The following EPSTI1 variants were observed in gnomAD, a reference collection of about 807,000 sequenced individuals.
The protein encoded by EPSTI1 is epithelial-stromal interaction protein 1.
Under a neutral mutation model 49.9 loss-of-function variants are expected in EPSTI1, and 66 were observed. That is an observed-to-expected ratio of 1.32 (90% CI 1.08 to 1.62). The LOEUF (loss-of-function observed/expected upper bound fraction) is 1.62, where lower values mean the gene tolerates loss of function less well. EPSTI1 is among the 40% of genes most tolerant of loss of function. EPSTI1 has a pLI of 0.00. For missense variants in EPSTI1, 394 were observed against 365.5 expected (o/e 1.08, Z -0.64); for synonymous variants, 137 against 130.7 (o/e 1.05, Z -0.33).
chr13:42,887,600 G>A lies in EPSTI1; in HGVS notation c.*894C>T, dbSNP rs1385264082. 2 of 152,234 alleles carry A rather than the reference G, an allele frequency of 1.3e-5. No individual in the cohort carries two copies. Among genetic ancestry groups the A allele is most frequent in the African/African-American group, 2.4e-5 (1 of 41,448 alleles). 9.4% of individuals were successfully genotyped at this position (152,234 alleles called of 1,614,324 possible). ...CAGAGGGATTGAGCTAGATTACACA[G>A]CGTAGAAAATCAATGCTCTTACACT... On this transcript the variant is annotated 3_prime_UTR_variant, in exon 11 of 11. Coordinates refer to ENST00000313624, the MANE Select transcript of EPSTI1 (RefSeq NM_033255.5).
chr13:42,923,239 T>C (rs2038070026), intron 7 of EPSTI1, among the ~76,000 whole-genome samples: 1 of 152,184 alleles, frequency 6.6e-6, no homozygotes, highest in Non-Finnish European at 1.5e-5. Context: ...GATAAGATTT[T>C]TTCACATCGT....
chr13:42,942,011 G>A (rs1457745418), intron 6 of EPSTI1, among the ~76,000 whole-genome samples: 1 of 152,066 alleles, frequency 6.6e-6, no homozygotes, highest in Non-Finnish European at 1.5e-5. Context: ...GAGACAAATA[G>A]TTTTTGTCAT....
chr13:42,932,849 G>A (rs977523356), intron 6 of EPSTI1, among the ~76,000 whole-genome samples: 4 of 152,112 alleles, frequency 2.6e-5, no homozygotes, highest in African/African-American at 7.2e-5. Flanking sequence ...CCTCTGATGC[G>A]ATGCACTGAG....
Position 42,967,309 on chromosome 13 carries a change from A to G in EPSTI1, c.331+1785T>C, listed in dbSNP as rs1330925797. Among the ~76,000 whole-genome samples the G allele has an allele frequency of 1.3e-5, 2 of 148,688 alleles. 1 individual carries two copies. Among genetic ancestry groups the G allele is most frequent in the Admixed American group, 1.3e-4 (2 of 15,046 alleles). Reference sequence around the variant, plus strand: ...TAAATTAAAAAAAAAAAAAAAAAAAAAAGAAAATCAGCTGGAGACCTCAAC... The same window carrying G: ...TAAATTAAAAAAAAAAAAAAAAAAAGAAGAAAATCAGCTGGAGACCTCAAC... On this transcript the variant is annotated intron_variant, in intron 3 of 10. Coordinates refer to ENST00000313624, the MANE Select transcript of EPSTI1 (RefSeq NM_033255.5).
chr13:42,939,229 T>C (rs1163236864), intron 6 of EPSTI1, among the ~76,000 whole-genome samples: 17 of 152,200 alleles, frequency 1.1e-4, no homozygotes, highest in Non-Finnish European at 2.5e-4. Context: ...TTGAACTTTC[T>C]TCATATTAGC....
At chr13:42,951,142 G>C (rs974261005) in intron 6 of EPSTI1, among the ~76,000 whole-genome samples, 1 of 151,544 alleles carries the variant, frequency 6.6e-6, no homozygotes, top group South Asian at 2.1e-4. Flanking sequence ...GAGCAACAGA[G>C]CAAGACTCCA....
At chr13:42,971,726 CAACAG>C (rs2039772899) in intron 1 of EPSTI1, among the ~76,000 whole-genome samples, 1 of 152,194 alleles carries the variant, frequency 6.6e-6, no homozygotes, top group African/African-American at 2.4e-5. Context: ...AAGCACTGAT[CAACAG>C]AAGCCATTTC....
chr13:42,917,196 CT>C (rs1045078765), intron 8 of EPSTI1, among the ~76,000 whole-genome samples: 2 of 152,166 alleles, frequency 1.3e-5, no homozygotes, highest in Non-Finnish European at 2.9e-5. Flanking sequence ...GATACCATCT[CT>C]AATTTCATAT....
intron 6 of EPSTI1, among the ~76,000 whole-genome samples, chr13:42,926,647 T>G (rs2038189290): frequency 6.6e-6 from 1 of 152,194 alleles, no homozygotes; most frequent in Non-Finnish European, 1.5e-5. Flanking sequence ...ATTATAAAAC[T>G]AGCTTTATGA....
At chr13:42,936,064 C>T (rs947422011) in intron 6 of EPSTI1, among the ~76,000 whole-genome samples, 8 of 152,146 alleles carry the variant, frequency 5.3e-5, no homozygotes, top group Non-Finnish European at 1.2e-4. Context: ...AAGACTGCTT[C>T]CTCAATTATA....
Position 42,937,024 on chromosome 13 carries a change from C to T in EPSTI1, c.564-10595G>A, listed in dbSNP as rs191005603. 4.5e-3 allele frequency among the ~76,000 whole-genome samples: 683 copies of T among 151,818 alleles called. 6 individuals carry two copies. The highest frequency in any genetic ancestry group is 0.015 in the African/African-American group (627 of 41,372). ...CATACAATATGTAGTTATAGTCATA[C>T]GTCAGAGATATTGTGAGTTTGGTTC... is the stretch of plus-strand genomic sequence containing the variant. On this transcript the variant is annotated intron_variant, in intron 6 of 10. Transcript: ENST00000313624.
chr13:42,886,439 C>T lies in EPSTI1; in HGVS notation c.*2055G>A, dbSNP rs759684220. 1 of 152,024 alleles carries T rather than the reference C, an allele frequency of 6.6e-6. No individual in the cohort carries two copies. The highest frequency in any genetic ancestry group is 1.5e-5 in the Non-Finnish European group (1 of 68,012). The allele number at this position is 152,024 out of a possible 1,614,324, so 9.4% of individuals were successfully genotyped here. On this transcript the variant is annotated 3_prime_UTR_variant, in exon 11 of 11. Transcript: ENST00000313624. The stretch of plus-strand genomic sequence containing the variant: ...AGTTTATTAAACATTTTATTACACA[C>T]CTGTATTGCCTAAAGTTTCTATAAC...
At chr13:42,987,703 T>C (rs552665771) in intron 1 of EPSTI1, among the ~76,000 whole-genome samples, 1 of 152,328 alleles carries the variant, frequency 6.6e-6, no homozygotes, top group Admixed American at 6.5e-5. Flanking sequence ...AAAGTATACA[T>C]ATTTGTTCAC....
intron 1 of EPSTI1, among the ~76,000 whole-genome samples, chr13:42,976,476 TA>T (rs1478919592): frequency 6.6e-6 from 1 of 152,204 alleles, no homozygotes; most frequent in Non-Finnish European, 1.5e-5. Flanking sequence ...AGAGAATATT[TA>T]GTATTAACAT....
Position 42,922,032 on chromosome 13 carries a change from A to G in EPSTI1, c.657+4304T>C, listed in dbSNP as rs1262671450. Among the ~76,000 whole-genome samples, 2 of 152,260 alleles carry G rather than the reference A, an allele frequency of 1.3e-5. No individual in the cohort carries two copies. Among genetic ancestry groups the G allele is most frequent in the Non-Finnish European group, 2.9e-5 (2 of 68,046 alleles). On this transcript the variant is annotated intron_variant, in intron 7 of 10. Coordinates refer to ENST00000313624, the MANE Select transcript of EPSTI1 (RefSeq NM_033255.5). The surrounding 1 kb of genome is among the most constrained non-coding windows in gnomAD (Gnocchi z 4.8). ...AAATAAAATGTTTAAAGAGTTGTAC[A>G]GAAGATATAACCAGAGTATACCGAC...
intron 10 of EPSTI1, among the ~76,000 whole-genome samples, chr13:42,889,709 TAAAA>T (rs748649905): frequency 9.6e-4 from 147 of 152,348 alleles, no homozygotes; most frequent in Non-Finnish European, 1.8e-3. Flanking sequence ...ATGTCCTAAA[TAAAA>T]GTTTAATTTA....
intron 6 of EPSTI1, among the ~76,000 whole-genome samples, chr13:42,944,450 A>G (rs373072945): frequency 2.0e-5 from 3 of 152,166 alleles, no homozygotes; most frequent in East Asian, 1.9e-4. Context: ...GTTCTCATTC[A>G]TAAGTGGGAG....
intron 7 of EPSTI1, chr13:42,919,241 T>C: frequency 2.6e-6 from 4 of 1,538,980 alleles, no homozygotes; most frequent in Non-Finnish European, 3.6e-6. Context: ...AACTGGGAAG[T>C]CACATGGCAT....
Position 42,888,250 on chromosome 13 carries a change from T to C in EPSTI1, c.*244A>G, listed in dbSNP as rs777084304. 18 of 1,613,420 alleles carry C rather than the reference T, an allele frequency of 1.1e-5. No individual in the cohort carries two copies. The South Asian group carries it at 1.4e-4, about 13-fold the overall frequency. On this transcript the variant is annotated 3_prime_UTR_variant, in exon 11 of 11. Coordinates refer to ENST00000313624, the MANE Select transcript of EPSTI1 (RefSeq NM_033255.5). ...AACATCACTCTAATTATACTTCCAA[T>C]TAGAAAAATAATGTAGCATTTCCCT...
Sources: gnomAD v4.1 joint callset for allele counts (sites outside exome capture counted in the v4.1 genomes callset) on GRCh38, gnomAD v4.1.1 for gene constraint, Gnocchi (gnomAD v3.1) non-coding constraint, MANE v1.5 for transcripts, NCBI Gene and HGNC (gene_info 2026-07-23, HGNC 2026-07-21) for gene names.